Variants in SLC38A9 observed in about 807,000 individuals in gnomAD.
SLC38A9 encodes solute carrier family 38 member 9.
A neutral mutation model predicts 62.3 loss-of-function variants in SLC38A9; 48 were observed. The ratio of observed to expected loss-of-function variants is 0.77; its 90% CI spans 0.61 to 0.98. The LOEUF (loss-of-function observed/expected upper bound fraction) is 0.98. SLC38A9 is among the 50% of genes least tolerant of loss of function. The pLI is 0.00. For missense variants in SLC38A9, 541 were observed against 679.8 expected (o/e 0.80, Z 2.27); for synonymous variants, 204 against 227.7 (o/e 0.90, Z 0.94).
chr5:55,690,201 A>G (rs1013436678), intron 3 of SLC38A9, among the ~76,000 whole-genome samples: 1 of 152,124 alleles, frequency 6.6e-6, no homozygotes, highest in Non-Finnish European at 1.5e-5. Context: ...TATGTTGCCC[A>G]GGCTGGTCTC....
intron 3 of SLC38A9, among the ~76,000 whole-genome samples, chr5:55,674,505 T>G (rs7706158): frequency 5.3e-5 from 8 of 151,886 alleles, no homozygotes; most frequent in African/African-American, 1.9e-4. Context: ...TCCCTTCCTT[T>G]CCCCTACCCT....
chr5:55,666,840 C>A (rs762979837), intron 7 of SLC38A9, among the ~76,000 whole-genome samples: 2 of 152,086 alleles, frequency 1.3e-5, no homozygotes, highest in Non-Finnish European at 2.9e-5. Context: ...ACAGTGAAAT[C>A]CCGTCTCTAC....
At chr5:55,661,090 AT>A (rs397949701) in intron 8 of SLC38A9, among the ~76,000 whole-genome samples, 1 of 151,904 alleles carries the variant, frequency 6.6e-6, no homozygotes, top group African/African-American at 2.4e-5. Flanking sequence ...AAAACTTAAA[AT>A]TTTTTTTAAA....
At chr5:55,682,235 C>T (rs1434036299) in intron 3 of SLC38A9, among the ~76,000 whole-genome samples, 2 of 152,172 alleles carry the variant, frequency 1.3e-5, no homozygotes, top group Non-Finnish European at 2.9e-5. Flanking sequence ...ATTTACCTCT[C>T]ACATTTAAAA....
chr5:55,656,807 T>A, intron 8 of SLC38A9, 33 bp from the exon 9 acceptor site: 1 of 1,124,332 alleles, frequency 8.9e-7, no homozygotes, highest in Non-Finnish European at 1.3e-6. Flanking sequence ...AGTTTAACAC[T>A]GAATGAAAGA....
Position 55,694,457 on chromosome 5 carries a change from A to G in SLC38A9, c.113+3389T>C, listed in dbSNP as rs140011607. Among the ~76,000 whole-genome samples, 1,063 of 151,590 alleles carry G rather than the reference A, an allele frequency of 7.0e-3. 4 individuals carry two copies. Among genetic ancestry groups the G allele is most frequent in the Non-Finnish European group, 9.1e-3 (621 of 67,900 alleles). ...AAATCTTTTCAGGAAATGTTACAGCACCAGGGTTCTTAATGGCACTAAGGA... is the reference window on the plus strand; with the variant it reads ...AAATCTTTTCAGGAAATGTTACAGCGCCAGGGTTCTTAATGGCACTAAGGA... On this transcript the variant is annotated intron_variant, in intron 3 of 15. Coordinates refer to ENST00000396865, the MANE Select transcript of SLC38A9 (RefSeq NM_173514.4).
intron 8 of SLC38A9, among the ~76,000 whole-genome samples, chr5:55,663,875 C>A (rs1380606777): frequency 3.3e-5 from 5 of 152,186 alleles, no homozygotes; most frequent in Admixed American, 3.3e-4. Context: ...TATGTTAGGA[C>A]TTACTTTGAA....
chr5:55,676,239 G>C (rs1752061253), intron 3 of SLC38A9, among the ~76,000 whole-genome samples: 1 of 152,098 alleles, frequency 6.6e-6, no homozygotes, highest in Admixed American at 6.6e-5. Flanking sequence ...GCATTAACAT[G>C]GCTTACTGCA....
intron 2 of SLC38A9, among the ~76,000 whole-genome samples, chr5:55,700,539 AAAG>A (rs1427621925): frequency 6.6e-6 from 1 of 152,158 alleles, no homozygotes; most frequent in East Asian, 1.9e-4. Flanking sequence ...AGTAGAGGGG[AAAG>A]AAGAAGGATA....
intron 3 of SLC38A9, chr5:55,675,471 T>C (rs1030102745): frequency 2.5e-4 from 38 of 152,250 alleles, no homozygotes; most frequent in African/African-American, 8.9e-4. Context: ...TATTTTTAAA[T>C]TGAACTTTAG....
chr5:55,692,677 C>A, intron 3 of SLC38A9: 4 of 985,120 alleles, frequency 4.1e-6, no homozygotes, highest in Non-Finnish European at 4.8e-6. Context: ...ATTTAATCTA[C>A]GCAGTTAAAC....
At chr5:55,660,279 G>A (rs1749290196) in intron 8 of SLC38A9, among the ~76,000 whole-genome samples, 1 of 151,922 alleles carries the variant, frequency 6.6e-6, no homozygotes, top group African/African-American at 2.4e-5. Flanking sequence ...GCATGGTGGT[G>A]GTATTTGCCT....
At chr5:55,640,287 T>C (rs1271950050) in intron 12 of SLC38A9, among the ~76,000 whole-genome samples, 5 of 152,164 alleles carry the variant, frequency 3.3e-5, no homozygotes, top group African/African-American at 1.2e-4. Flanking sequence ...TGCCCAGCCA[T>C]TTAAACCTTT....
At chr5:55,705,203 A>G (rs1047047879) in intron 2 of SLC38A9, among the ~76,000 whole-genome samples, 1 of 152,162 alleles carries the variant, frequency 6.6e-6, no homozygotes, top group Admixed American at 6.5e-5. Flanking sequence ...TGACCTTTAT[A>G]TAATAGAATT....
rs1284615200 is a variant in SLC38A9 at position 55,697,914 on chromosome 5, C to T, written c.45G>A (p.Glu15=). Residue 15 remains glutamate (E), a synonymous_variant, in exon 3 of 16, where the codon GAG becomes GAA. Coordinates refer to ENST00000396865, the MANE Select transcript of SLC38A9 (RefSeq NM_173514.4). The stretch of plus-strand genomic sequence containing the variant: ...GTCCAGGATCTCTTTCATGATCTAC[C>T]TCAGAGGTGCCAAGATGCCTAGAAT... ...NSDSRHLGTS[E]VDHERDPGPM... The T allele has an allele frequency of 3.1e-6, 5 of 1,604,120 alleles. No individual in the cohort carries two copies. The highest frequency in any genetic ancestry group is 2.3e-5 in the South Asian group (2 of 88,244).
chr5:55,698,050 T>C (rs1166596889), intron 2 of SLC38A9, 58 bp from the exon 3 acceptor site: 2 of 634,220 alleles, frequency 3.2e-6, no homozygotes, highest in African/African-American at 3.9e-5. Flanking sequence ...TATCCATCAC[T>C]AATAAATATT....
At chr5:55,652,081 G>A (rs1209567701) in intron 10 of SLC38A9, among the ~76,000 whole-genome samples, 4 of 151,066 alleles carry the variant, frequency 2.6e-5, no homozygotes, top group East Asian at 1.9e-4. Context: ...ACAAATTGCC[G>A]GGCGTGCTGG....
chr5:55,633,508 GAT>G, intron 14 of SLC38A9: 1 of 414,576 alleles, frequency 2.4e-6, no homozygotes, highest in South Asian at 4.7e-5. Flanking sequence ...TAAATAATAA[GAT>G]AAATATAAAT....
chr5:55,678,138 G>GTTTTTTTTTTTTTTTTTT (rs769465008), intron 3 of SLC38A9, among the ~76,000 whole-genome samples: 1 of 129,444 alleles, frequency 7.7e-6, no homozygotes. Flanking sequence ...AAGGTTACTG[G>GTTTTTTTTTTTTTTTTTT]TTTTTTTTTC....
Sources: gnomAD v4.1 joint callset for allele counts (sites outside exome capture counted in the v4.1 genomes callset) on GRCh38, gnomAD v4.1.1 for gene constraint, MANE v1.5 for transcripts, NCBI Gene and HGNC (gene_info 2026-07-23, HGNC 2026-07-21) for gene names.